BMERB1: variants seen among roughly 807,000 people sequenced by gnomAD.
BMERB1 encodes the protein bMERB domain containing 1.
BMERB1 carries 12 observed loss-of-function variants against 23.6 expected under a neutral mutation model. The observed-to-expected ratio is 0.51, with a 90% confidence interval of 0.33 to 0.82. BMERB1 has a LOEUF of 0.82. Ranked by LOEUF, BMERB1 falls within the 40% of genes least tolerant of loss-of-function variation. The probability of loss-of-function intolerance (pLI) is 0.03; values close to 1 mark genes in which losing one functional copy is unlikely to be tolerated. For synonymous variants in BMERB1, 122 were observed against 96.6 expected (o/e 1.26, Z -1.54); for missense variants, 247 against 255.4 (o/e 0.97, Z 0.22).
At chr16:15,481,794 G>T (rs1434314958) in intron 1 of BMERB1, among the ~76,000 whole-genome samples, 1 of 149,394 alleles carries the variant, frequency 6.7e-6, no homozygotes, top group Non-Finnish European at 1.5e-5. Flanking sequence ...GCATGATCTC[G>T]GGTCACTGCA....
chr16:15,586,733 G>A lies in BMERB1; in HGVS notation c.519G>A (p.Lys173=), dbSNP rs755635266. The A allele has an allele frequency of 6.2e-7, 1 of 1,611,218 alleles. No homozygotes were observed. Among genetic ancestry groups the A allele is most frequent in the East Asian group, 2.2e-5 (1 of 44,760 alleles). ...TKSPASSRAE[K]KAEPPPSKPT... is the part of the protein sequence containing the mutation. ...TTGCTGCAGGCTCCCGGGCAGAGAAGAAAGCAGAGCCCCCACCTAGCAAGC... is the reference window on the plus strand; with the variant it reads ...TTGCTGCAGGCTCCCGGGCAGAGAAAAAAGCAGAGCCCCCACCTAGCAAGC... Residue 173 remains lysine (K), a synonymous_variant, in exon 6 of 6, where the codon AAG becomes AAA. Coordinates refer to ENST00000300006, the MANE Select transcript of BMERB1 (RefSeq NM_033201.3).
intron 2 of BMERB1, among the ~76,000 whole-genome samples, chr16:15,539,364 TTCAC>T (rs1469388162): frequency 2.0e-5 from 3 of 152,074 alleles, no homozygotes; most frequent in Non-Finnish European, 2.9e-5. Context: ...CAGATGAAGC[TTCAC>T]TCACTCACCC....
chr16:15,558,938 G>A (rs781711933), intron 2 of BMERB1, among the ~76,000 whole-genome samples: 38 of 151,210 alleles, frequency 2.5e-4, no homozygotes, highest in Non-Finnish European at 4.9e-4. Context: ...CTGCCCAAGC[G>A]GAGTTTCTCT....
chr16:15,446,211 C>G (rs1245839418), intron 1 of BMERB1, among the ~76,000 whole-genome samples: 1 of 151,892 alleles, frequency 6.6e-6, no homozygotes, highest in Non-Finnish European at 1.5e-5. Context: ...GGCAACATAG[C>G]AAGTCCTCAT....
intron 1 of BMERB1, among the ~76,000 whole-genome samples, chr16:15,456,502 A>G (rs1309123264): frequency 2.0e-5 from 3 of 152,200 alleles, no homozygotes; most frequent in African/African-American, 7.2e-5. Context: ...ACACCCAGCT[A>G]CTTTTTGTAT....
At chr16:15,555,255 G>A (rs2030220442) in intron 2 of BMERB1, among the ~76,000 whole-genome samples, 1 of 151,978 alleles carries the variant, frequency 6.6e-6, no homozygotes. Flanking sequence ...TTTTTATTGT[G>A]TAGAGACAGA....
intron 1 of BMERB1, among the ~76,000 whole-genome samples, chr16:15,446,380 G>C (rs2050990006): frequency 6.6e-6 from 1 of 152,190 alleles, no homozygotes; most frequent in Non-Finnish European, 1.5e-5. Context: ...GGGCAACAAA[G>C]TGAGACCTTG....
At chr16:15,553,826 G>C (rs936132954) in intron 2 of BMERB1, among the ~76,000 whole-genome samples, 2 of 152,158 alleles carry the variant, frequency 1.3e-5, no homozygotes, top group Admixed American at 6.5e-5. Context: ...GATCGTCTTA[G>C]ACAGAAGGTC....
intron 1 of BMERB1, among the ~76,000 whole-genome samples, chr16:15,456,271 T>A (rs1010681624): frequency 1.9e-4 from 29 of 152,160 alleles, no homozygotes; most frequent in Non-Finnish European, 4.1e-4. Flanking sequence ...TAATCAGTCT[T>A]CTTTTTTTAT....
chr16:15,558,949 T>A (rs539773509), intron 2 of BMERB1, among the ~76,000 whole-genome samples: 22 of 151,002 alleles, frequency 1.5e-4, no homozygotes, highest in Admixed American at 2.6e-4. Flanking sequence ...GAGTTTCTCT[T>A]AAGGGCTTTC....
intron 1 of BMERB1, among the ~76,000 whole-genome samples, chr16:15,495,755 C>T (rs551529756): frequency 6.6e-6 from 1 of 152,284 alleles, no homozygotes; most frequent in African/African-American, 2.4e-5. Flanking sequence ...GACACAAGAC[C>T]TTTGGTGCTT....
chr16:15,568,213 G>A (rs969526090), intron 3 of BMERB1, among the ~76,000 whole-genome samples, 157 bp downstream of exon 3: 3 of 152,224 alleles, frequency 2.0e-5, no homozygotes, highest in Non-Finnish European at 4.4e-5. Context: ...AGGAAGACCT[G>A]GGTTCAAGTC....
intron 3 of BMERB1, among the ~76,000 whole-genome samples, chr16:15,575,681 T>C (rs2030840199): frequency 6.6e-6 from 1 of 152,172 alleles, no homozygotes; most frequent in Admixed American, 6.5e-5. Flanking sequence ...TGCCTGAGCA[T>C]AGGGGCTCAG....
chr16:15,557,055 C>G (rs2030280808), intron 2 of BMERB1, among the ~76,000 whole-genome samples: 2 of 152,216 alleles, frequency 1.3e-5, no homozygotes, highest in Admixed American at 6.5e-5. Flanking sequence ...ACTCAAGCTG[C>G]TGATGCCTCC....
intron 1 of BMERB1, among the ~76,000 whole-genome samples, chr16:15,441,631 G>A (rs2050939843): frequency 6.6e-6 from 1 of 152,148 alleles, no homozygotes; most frequent in South Asian, 2.1e-4. Context: ...ACCTGCCTCA[G>A]CCTCCCAAAA....
At chr16:15,560,842 G>A (rs531942361) in intron 2 of BMERB1, among the ~76,000 whole-genome samples, 1 of 151,058 alleles carries the variant, frequency 6.6e-6, no homozygotes, top group Non-Finnish European at 1.5e-5. Flanking sequence ...CTTTTACAAA[G>A]AAGAGTATAA....
At chr16:15,468,210 A>G (rs1372153630) in intron 1 of BMERB1, among the ~76,000 whole-genome samples, 1 of 122,478 alleles carries the variant, frequency 8.2e-6, no homozygotes, top group Admixed American at 1.1e-4. Context: ...CAGTGGCACG[A>G]TCACAGCTCA....
At chr16:15,436,327 C>T (rs376910774) in intron 1 of BMERB1, among the ~76,000 whole-genome samples, 8 of 147,950 alleles carry the variant, frequency 5.4e-5, no homozygotes, top group South Asian at 2.2e-4. Flanking sequence ...GACACAATCT[C>T]GGCTCACTGC....
At chr16:15,437,129 C>T (rs536103419) in intron 1 of BMERB1, among the ~76,000 whole-genome samples, 1 of 152,092 alleles carries the variant, frequency 6.6e-6, no homozygotes, top group Non-Finnish European at 1.5e-5. Context: ...CAGAAAACTT[C>T]CTAAGTCTAT....
Sources: gnomAD v4.1 joint callset for allele counts (sites outside exome capture counted in the v4.1 genomes callset) on GRCh38, gnomAD v4.1.1 for gene constraint, MANE v1.5 for transcripts, NCBI Gene and HGNC (gene_info 2026-07-23, HGNC 2026-07-21) for gene names.